Variants in KHDRBS3 observed in about 807,000 individuals in gnomAD.
The protein encoded by KHDRBS3 is KH RNA binding domain containing, signal transduction associated 3.
In KHDRBS3, 23 loss-of-function variants were observed where a neutral mutation model predicts 45.6. The observed-to-expected ratio is 0.50, with a 90% CI of 0.36 to 0.72. The LOEUF is 0.72. KHDRBS3 is among the 30% of genes least tolerant of loss of function. KHDRBS3 has a pLI of 0.00. For missense variants in KHDRBS3, 352 were observed against 424.8 expected, an observed-to-expected ratio of 0.83 and a Z score of 1.51; for synonymous variants, 162 against 156.5, an observed-to-expected ratio of 1.04 and a Z score of -0.26.
intron 2 of KHDRBS3, among the ~76,000 whole-genome samples, chr8:135,528,379 C>G (rs957106526): frequency 6.6e-6 from 1 of 152,030 alleles, no homozygotes; most frequent in African/African-American, 2.4e-5. Flanking sequence ...TGGTAGAAGC[C>G]TATTCCATGG....
rs192879474 is a variant in KHDRBS3, at chr8:135,473,510, A to G, written c.88+15556A>G. Reference sequence around the variant, plus strand: ...CTGAGGATATGTGTGGAGTGCAGAGACAACATTCTAGACAGATATACACTT... The same window carrying G: ...CTGAGGATATGTGTGGAGTGCAGAGGCAACATTCTAGACAGATATACACTT... On this transcript the variant is annotated intron_variant, in intron 1 of 8. Transcript: ENST00000355849. Among the ~76,000 whole-genome samples, 4 of 152,196 alleles carry G rather than the reference A, an allele frequency of 2.6e-5. No individual in the cohort carries two copies. In the East Asian group the frequency reaches 7.8e-4, roughly 30 times the overall value.
At chr8:135,548,252 G>A (rs1344138646) in intron 3 of KHDRBS3, among the ~76,000 whole-genome samples, 8 of 152,104 alleles carry the variant, frequency 5.3e-5, no homozygotes, top group Admixed American at 3.9e-4. Flanking sequence ...CTGCTCCATG[G>A]TAATCACTTT....
rs1831234464 is a variant in KHDRBS3 at position 135,645,198 on chromosome 8, A to C, written c.949+81A>C. On this transcript the variant is annotated intron_variant, in intron 8 of 8. Transcript: ENST00000355849. ...CCTTAAAGATATTAATGGGAAGAGA[A>C]TAAGGACATTTGGACTCTGAAACAG... 10 of 1,448,440 alleles carry C rather than the reference A, an allele frequency of 6.9e-6. No homozygotes were observed. In the South Asian group the frequency reaches 1.1e-4, roughly 17 times the overall value. 89.7% of individuals were successfully genotyped at this position (1,448,440 alleles called of 1,614,324 possible).
At chr8:135,505,232 C>T (rs113538097) in intron 1 of KHDRBS3, among the ~76,000 whole-genome samples, 19 of 152,176 alleles carry the variant, frequency 1.2e-4, no homozygotes, top group African/African-American at 3.9e-4. Flanking sequence ...GGAGATGGGT[C>T]ATACATGCCT....
At chr8:135,641,646 G>A (rs1391562855) in intron 7 of KHDRBS3, among the ~76,000 whole-genome samples, 3 of 152,188 alleles carry the variant, frequency 2.0e-5, no homozygotes, top group South Asian at 2.1e-4. Context: ...AGACCTGAGC[G>A]GCGTCTAGAC....
chr8:135,618,003 A>G (rs959930460), intron 7 of KHDRBS3, among the ~76,000 whole-genome samples: 2 of 152,188 alleles, frequency 1.3e-5, no homozygotes, highest in Non-Finnish European at 2.9e-5. Context: ...AATTCCCCAG[A>G]ATCGATTCAT....
At chr8:135,518,600 A>G (rs1824746984) in intron 1 of KHDRBS3, among the ~76,000 whole-genome samples, 1 of 152,230 alleles carries the variant, frequency 6.6e-6, no homozygotes, top group Non-Finnish European at 1.5e-5. Flanking sequence ...AACTATGCCA[A>G]AGGTATTTCT....
chr8:135,604,083 C>T (rs1244728231), intron 6 of KHDRBS3, among the ~76,000 whole-genome samples: 1 of 151,728 alleles, frequency 6.6e-6, no homozygotes, highest in Non-Finnish European at 1.5e-5. Context: ...TATTTTGAAG[C>T]TCTATTGTTA....
At chr8:135,472,674 G>A (rs970717342) in intron 1 of KHDRBS3, among the ~76,000 whole-genome samples, 1 of 152,256 alleles carries the variant, frequency 6.6e-6, no homozygotes. Flanking sequence ...GCTGAAGGAT[G>A]TCATGCAGGA....
At chr8:135,607,059 C>T (rs1378091868) in intron 7 of KHDRBS3, 22 bp downstream of exon 7, 3 of 1,563,500 alleles carry the variant, frequency 1.9e-6, no homozygotes, top group Non-Finnish European at 2.6e-6. Context: ...TCTTTATTAC[C>T]AGACCCCACA....
intron 6 of KHDRBS3, among the ~76,000 whole-genome samples, chr8:135,606,275 T>G (rs1206845451): frequency 6.6e-6 from 1 of 152,052 alleles, no homozygotes; most frequent in Non-Finnish European, 1.5e-5. Flanking sequence ...TTGCCAGGAA[T>G]AATTCAGAGC....
intron 1 of KHDRBS3, among the ~76,000 whole-genome samples, chr8:135,509,641 CTTGT>C (rs1366205394): frequency 1.3e-5 from 2 of 152,142 alleles, no homozygotes; most frequent in Admixed American, 6.5e-5. Flanking sequence ...AGTATTTCCT[CTTGT>C]TTAAGGATAC....
At chr8:135,543,329 T>C (rs1826133459) in intron 3 of KHDRBS3, among the ~76,000 whole-genome samples, 1 of 152,240 alleles carries the variant, frequency 6.6e-6, no homozygotes, top group South Asian at 2.1e-4. Context: ...AAAATAGTGT[T>C]ATTTTTATTG....
At chr8:135,536,963 T>G (rs1825794373) in intron 2 of KHDRBS3, among the ~76,000 whole-genome samples, 1 of 37,766 alleles carries the variant, frequency 2.6e-5, no homozygotes, top group African/African-American at 1.3e-4. Context: ...CGAAACTCCA[T>G]CTCAAAAAAA....
chr8:135,516,550 G>C lies in KHDRBS3; in HGVS notation c.89-4687G>C, dbSNP rs560396886. On this transcript the variant is annotated intron_variant, in intron 1 of 8. Coordinates refer to ENST00000355849, the MANE Select transcript of KHDRBS3 (RefSeq NM_006558.3). ...GGAGATGTTTTCTGTGTGTATATAA[G>C]TAAACATTTGTTTCTTACATTGTGT... 2.0e-5 allele frequency among the ~76,000 whole-genome samples: 3 copies of C among 147,522 alleles called. No individual in the cohort carries two copies. The South Asian group carries it at 6.6e-4, about 32-fold the overall frequency.
chr8:135,495,167 GT>G (rs765633513), intron 1 of KHDRBS3, among the ~76,000 whole-genome samples: 24 of 152,122 alleles, frequency 1.6e-4, no homozygotes, highest in Non-Finnish European at 2.4e-4. Context: ...GATTTTGATT[GT>G]TTTCTTCCTG....
intron 2 of KHDRBS3, among the ~76,000 whole-genome samples, chr8:135,526,933 GT>G (rs1164105316): frequency 3.1e-4 from 45 of 143,120 alleles, no homozygotes; most frequent in East Asian, 6.1e-4. Flanking sequence ...TTCTCCATGG[GT>G]TTTTTTTTTT....
intron 4 of KHDRBS3, among the ~76,000 whole-genome samples, chr8:135,553,131 T>C (rs1826694969): frequency 1.3e-5 from 2 of 152,196 alleles, no homozygotes; most frequent in South Asian, 2.1e-4. Context: ...CTGTCCAATT[T>C]CTGGCTAGCC....
At chr8:135,588,087 A>G (rs1828566266) in intron 6 of KHDRBS3, among the ~76,000 whole-genome samples, 1 of 152,182 alleles carries the variant, frequency 6.6e-6, no homozygotes, top group African/African-American at 2.4e-5. Context: ...CACAGACCCT[A>G]CAGTTAAAGG....
Sources: gnomAD v4.1 joint callset for allele counts (sites outside exome capture counted in the v4.1 genomes callset) on GRCh38, gnomAD v4.1.1 for gene constraint, MANE v1.5 for transcripts, NCBI Gene and HGNC (gene_info 2026-07-23, HGNC 2026-07-21) for gene names.